ADAMTS2: variants seen among roughly 807,000 people sequenced by gnomAD.
The protein encoded by ADAMTS2 is A disintegrin and metalloproteinase with thrombospondin motifs 2.
A neutral mutation model predicts 123.0 loss-of-function variants in ADAMTS2; 50 were observed. The observed-to-expected ratio is 0.41, with a 90% CI of 0.32 to 0.51. The LOEUF (loss-of-function observed/expected upper bound fraction) is 0.51. Among genes scored for constraint, ADAMTS2 ranks in the 20% least tolerant of loss-of-function variants. ADAMTS2 has a pLI of 0.35. For synonymous variants in ADAMTS2, 678 were observed against 695.4 expected (o/e 0.98, Z 0.39); for missense variants, 1,494 against 1,705.2 (o/e 0.88, Z 2.18).
At chr5:179,343,705 C>A in intron 2 of ADAMTS2, 62 bp downstream of exon 2, 1 of 1,574,676 alleles carries the variant, frequency 6.4e-7, no homozygotes, top group South Asian at 1.1e-5. Flanking sequence ...TCCCAGGTAA[C>A]CCTTTTCCAA....
intron 2 of ADAMTS2, among the ~76,000 whole-genome samples, chr5:179,334,065 G>A (rs145203585): frequency 6.6e-6 from 1 of 152,332 alleles, no homozygotes; most frequent in East Asian, 1.9e-4. Context: ...AGAATGGAGG[G>A]ATTGCTCCAG....
intron 4 of ADAMTS2, among the ~76,000 whole-genome samples, chr5:179,203,692 G>A (rs531997372): frequency 2.5e-4 from 38 of 151,996 alleles, no homozygotes; most frequent in Admixed American, 1.2e-3. Flanking sequence ...GGTGGCTACC[G>A]TAAAAAAGAA....
At chr5:179,249,749 C>G (rs1765877233) in intron 3 of ADAMTS2, among the ~76,000 whole-genome samples, 1 of 152,100 alleles carries the variant, frequency 6.6e-6, no homozygotes, top group Non-Finnish European at 1.5e-5. Context: ...GAGCTTGAAT[C>G]AGTCATCAAA....
chr5:179,131,306 C>CAAA (rs553125844), intron 15 of ADAMTS2, among the ~76,000 whole-genome samples: 20 of 22,660 alleles, frequency 8.8e-4, no homozygotes, highest in East Asian at 5.4e-3. Context: ...GAGCGAGACT[C>CAAA]AAAAAAAAAA....
intron 4 of ADAMTS2, among the ~76,000 whole-genome samples, chr5:179,196,077 C>T (rs182881316): frequency 7.2e-5 from 11 of 152,190 alleles, no homozygotes; most frequent in Non-Finnish European, 1.6e-4. Flanking sequence ...CCTTCCCCAC[C>T]GCCACCATGC....
rs549096585 is a variant in ADAMTS2 at position 179,117,940 on chromosome 5, C to T, written c.3179-3616G>A. Among the ~76,000 whole-genome samples, 1 of 152,280 alleles carries T rather than the reference C, an allele frequency of 6.6e-6. No individual in the cohort carries two copies. Among genetic ancestry groups the T allele is most frequent in the African/African-American group, 2.4e-5 (1 of 41,558 alleles). ...TGCCCAAAATATTGACTACCTGGCC[C>T]TTTACAGAAAAGGTTGACTGATCGT... On this transcript the variant is annotated intron_variant, in intron 21 of 21. Transcript: ENST00000251582. The surrounding 1 kb of genome is among the most constrained non-coding windows in gnomAD (Gnocchi z 4.2).
intron 2 of ADAMTS2, among the ~76,000 whole-genome samples, chr5:179,297,827 C>T (rs463441): frequency 7.2e-5 from 11 of 152,168 alleles, no homozygotes; most frequent in African/African-American, 2.4e-4. Flanking sequence ...CTCCTCCTCT[C>T]TAAAGTCCTC....
intron 2 of ADAMTS2, among the ~76,000 whole-genome samples, chr5:179,341,910 T>C (rs1757785754): frequency 6.6e-6 from 1 of 152,096 alleles, no homozygotes; most frequent in Non-Finnish European, 1.5e-5. Flanking sequence ...ACCTGGTACC[T>C]CTGCACACGC....
At chr5:179,321,726 G>C (rs1294041596) in intron 2 of ADAMTS2, among the ~76,000 whole-genome samples, 1 of 146,698 alleles carries the variant, frequency 6.8e-6, no homozygotes, top group African/African-American at 2.5e-5. Context: ...CCTAGGACCT[G>C]CATTTCCAGC....
rs570755996 is a variant in ADAMTS2 at position 179,328,199 on chromosome 5, A to AT, written c.534+15567dup. 2.3e-3 allele frequency among the ~76,000 whole-genome samples: 354 copies of AT among 152,212 alleles called. 1 individual carries two copies. The highest frequency in any genetic ancestry group is 8.3e-3 in the African/African-American group (344 of 41,540). On this transcript the variant is annotated intron_variant, in intron 2 of 21. Transcript: ENST00000251582. ...AGGCGCGCACCACCACGCCCGGCTA[A>AT]TTTTTTGTATTTTTAGTAGAGACGG...
intron 3 of ADAMTS2, among the ~76,000 whole-genome samples, chr5:179,221,211 G>A (rs1233278575): frequency 1.3e-5 from 2 of 152,142 alleles, no homozygotes; most frequent in African/African-American, 4.8e-5. Flanking sequence ...CATGGTAGCC[G>A]GTGGAGTGGG....
intron 2 of ADAMTS2, among the ~76,000 whole-genome samples, chr5:179,273,543 C>T (rs911897907): frequency 3.3e-5 from 5 of 152,138 alleles, no homozygotes; most frequent in African/African-American, 1.2e-4. Context: ...CCATCTGGGC[C>T]AAACAATATT....
At chr5:179,245,635 G>A (rs925193294) in intron 3 of ADAMTS2, among the ~76,000 whole-genome samples, 15 of 149,654 alleles carry the variant, frequency 1.0e-4, no homozygotes, top group African/African-American at 3.0e-4. Flanking sequence ...GCGTGGTAGC[G>A]GGCGCCTGTA....
Position 179,188,562 on chromosome 5 carries a change from C to G in ADAMTS2, c.892-7407G>C, listed in dbSNP as rs2113329540. ...CTCAGCAGATGCTTCAGAGGGAATGCTAGAAGAAACGTGACTCTTGCTCAA... is the reference window on the plus strand; with the variant it reads ...CTCAGCAGATGCTTCAGAGGGAATGGTAGAAGAAACGTGACTCTTGCTCAA... On this transcript the variant is annotated intron_variant, in intron 4 of 21. Transcript: ENST00000251582. The surrounding 1 kb of genome is among the most constrained non-coding windows in gnomAD (Gnocchi z 5.1). 6.6e-6 allele frequency among the ~76,000 whole-genome samples: 1 copy of G among 152,254 alleles called. No individual in the cohort carries two copies. Among genetic ancestry groups the G allele is most frequent in the African/African-American group, 2.4e-5 (1 of 41,552 alleles).
Position 179,115,799 on chromosome 5 carries a change from G to A in ADAMTS2, c.3179-1475C>T, listed in dbSNP as rs1291474259. Among the ~76,000 whole-genome samples the A allele has an allele frequency of 2.0e-5, 3 of 152,152 alleles. No homozygotes were observed. Among genetic ancestry groups the A allele is most frequent in the African/African-American group, 4.8e-5 (2 of 41,424 alleles). ...TATGACACAATCTACACCTGAAGCT[G>A]TCCAAAACAGACAAGACCCCCTTCC... On this transcript the variant is annotated intron_variant, in intron 21 of 21. Transcript: ENST00000251582. The surrounding 1 kb of genome is among the most constrained non-coding windows in gnomAD (Gnocchi z 4.4).
At chr5:179,199,202 T>C (rs535689453) in intron 4 of ADAMTS2, among the ~76,000 whole-genome samples, 62 of 152,360 alleles carry the variant, frequency 4.1e-4, no homozygotes, top group Non-Finnish European at 7.2e-4. Flanking sequence ...CTTGAAGTTC[T>C]TCGTCATCTC....
chr5:179,338,526 A>G (rs1757683883), intron 2 of ADAMTS2, among the ~76,000 whole-genome samples: 2 of 151,542 alleles, frequency 1.3e-5, no homozygotes, highest in African/African-American at 4.9e-5. Flanking sequence ...TCATTGCCCC[A>G]CCCTCCCAGG....
intron 5 of ADAMTS2, among the ~76,000 whole-genome samples, chr5:179,179,999 C>T (rs779087961): frequency 8.5e-5 from 13 of 152,278 alleles, no homozygotes; most frequent in Middle Eastern, 3.4e-3. Flanking sequence ...CCTGACTCCT[C>T]GGGTGCTGGA....
At chr5:179,198,805 G>C (rs1342697954) in intron 4 of ADAMTS2, among the ~76,000 whole-genome samples, 1 of 150,498 alleles carries the variant, frequency 6.6e-6, no homozygotes, top group Non-Finnish European at 1.5e-5. Context: ...TTGCACTCCA[G>C]CCCGGGCGAC....
Sources: gnomAD v4.1 joint callset for allele counts (sites outside exome capture counted in the v4.1 genomes callset) on GRCh38, gnomAD v4.1.1 for gene constraint, Gnocchi (gnomAD v3.1) non-coding constraint, MANE v1.5 for transcripts, NCBI Gene and HGNC (gene_info 2026-07-23, HGNC 2026-07-21) for gene names.